PDE4C: variants seen among roughly 807,000 people sequenced by gnomAD.
PDE4C encodes the protein 3',5'-cyclic-AMP phosphodiesterase 4C.
In PDE4C, 50 loss-of-function variants were observed where a neutral mutation model predicts 63.9. The ratio of observed to expected loss-of-function variants is 0.78; its 90% CI spans 0.62 to 0.99. The LOEUF (loss-of-function observed/expected upper bound fraction) is 0.99, where lower values mean the gene tolerates loss of function less well. Ranked by LOEUF, PDE4C falls within the 50% of genes least tolerant of loss-of-function variation. The pLI is 0.00. For synonymous variants in PDE4C, 377 were observed against 385.1 expected (o/e 0.98, Z 0.25); for missense variants, 777 against 899.1 (o/e 0.86, Z 1.74).
intron 1 of PDE4C, among the ~76,000 whole-genome samples, chr19:18,232,528 A>G (rs1249535115): frequency 1.3e-5 from 2 of 151,712 alleles, no homozygotes; most frequent in Non-Finnish European, 1.5e-5. Flanking sequence ...TCGGACCCCC[A>G]GCTATGTTAG....
rs1382412208 is a variant in PDE4C, at chr19:18,220,718, G to A, written c.499+156C>T. ...GCCTCAGCCTCCTCATCTGTAATAT[G>A]AGTGTGGTGGGGTCCATCCCCGAGG... On this transcript the variant is annotated intron_variant, in intron 5 of 14. Coordinates refer to ENST00000262805, the Ensembl canonical transcript of PDE4C. This position sits in a 1 kb window ranked among gnomAD's most constrained non-coding sequence, Gnocchi z 5.1. 2.2e-5 allele frequency: 18 copies of A among 811,716 alleles called. No homozygotes were observed. Among genetic ancestry groups the A allele is most frequent in the Non-Finnish European group, 3.7e-5 (18 of 491,134 alleles). The allele number at this position is 811,716 out of a possible 1,614,324, so 50.3% of individuals were successfully genotyped here. A position where few individuals can be genotyped will look rare whatever the true frequency, so the allele number is the denominator to read the frequency against.
chr19:18,224,117 C>T (rs1968615719), intron 1 of PDE4C: 9 of 807,990 alleles, frequency 1.1e-5, no homozygotes, highest in Non-Finnish European at 1.3e-5. Flanking sequence ...TCCCTCTCCA[C>T]ACTACCTGTC....
At position 18,221,023 on chromosome 19, in the gene PDE4C, C is replaced by A. The variant is rs550430671; in HGVS notation, c.449+82G>T. On this transcript the variant is annotated intron_variant, in intron 4 of 14. Transcript: ENST00000262805. ...TCAAACCCACCTGGAGGCGCCGGAGCCCCAGCCTCAATTTGCAGCCCGCTT... is the reference window on the plus strand; with the variant it reads ...TCAAACCCACCTGGAGGCGCCGGAGACCCAGCCTCAATTTGCAGCCCGCTT... 11 of 1,514,158 alleles carry A rather than the reference C, an allele frequency of 7.3e-6. No individual in the cohort carries two copies. The South Asian group carries it at 1.1e-4, about 15-fold the overall frequency. 93.8% of individuals were successfully genotyped at this position (1,514,158 alleles called of 1,614,324 possible). A position where few individuals can be genotyped will look rare whatever the true frequency, so the allele number is the denominator to read the frequency against.
chr19:18,211,603 G>C (rs1186929792), intron 14 of PDE4C, 156 bp downstream of exon 14: 5 of 780,972 alleles, frequency 6.4e-6, no homozygotes, highest in Non-Finnish European at 8.3e-6. Flanking sequence ...GAAGCCCAGA[G>C]AGAATGGATC....
At position 18,220,927 on chromosome 19, in the gene PDE4C, C is replaced by T; in HGVS notation, c.450-4G>A. 6.2e-7 allele frequency: 1 copy of T among 1,601,794 alleles called. No individual in the cohort carries two copies. Among genetic ancestry groups the T allele is most frequent in the Non-Finnish European group, 8.5e-7 (1 of 1,175,724 alleles). ...AGGGTTTCCGACGGGTCCCTGCCTGCGGTACAGCAGCCTCAGGCGTGGCTG... is the reference window on the plus strand; with the variant it reads ...AGGGTTTCCGACGGGTCCCTGCCTGTGGTACAGCAGCCTCAGGCGTGGCTG... On this transcript the variant is annotated splice_polypyrimidine_tract_variant and splice_region_variant and intron_variant, in intron 4 of 14. Transcript: ENST00000262805. The surrounding 1 kb of genome is among the most constrained non-coding windows in gnomAD (Gnocchi z 5.1).
At chr19:18,238,376 C>T (rs1432732836), upstream of PDE4C, among the ~76,000 whole-genome samples, 1 of 151,666 alleles carries the variant, frequency 6.6e-6, no homozygotes, top group African/African-American at 2.4e-5. Context: ...GCTGGGATTA[C>T]AGGTGCCCAC....
the PDE4C span, among the ~76,000 whole-genome samples, chr19:18,254,624 C>T: frequency 6.6e-6 from 1 of 152,180 alleles, no homozygotes; most frequent in African/African-American, 2.4e-5. Context: ...ATGAGCATTT[C>T]AGCAGCCATG....
chr19:18,248,580 G>C (rs1261578243), upstream of PDE4C, among the ~76,000 whole-genome samples: 5 of 152,006 alleles, frequency 3.3e-5, no homozygotes, highest in African/African-American at 9.7e-5. Context: ...GGTGGTAGGG[G>C]ACCAGCAGCT....
chr19:18,248,923 G>T (rs1426125662), upstream of PDE4C, among the ~76,000 whole-genome samples: 1 of 151,942 alleles, frequency 6.6e-6, no homozygotes, highest in Non-Finnish European at 1.5e-5. Flanking sequence ...TACTTGGGAG[G>T]CTGAAGCAGG....
chr19:18,215,764 C>T (rs924571950), intron 12 of PDE4C, among the ~76,000 whole-genome samples: 1 of 151,770 alleles, frequency 6.6e-6, no homozygotes, highest in African/African-American at 2.4e-5. Flanking sequence ...CCGCCTGCCT[C>T]GGCCTCCCAA....
upstream of PDE4C, among the ~76,000 whole-genome samples, chr19:18,229,021 C>T (rs1482908971): frequency 1.3e-5 from 2 of 151,992 alleles, no homozygotes; most frequent in African/African-American, 4.8e-5. Flanking sequence ...CTGAAACCTC[C>T]GCTTCCTGGG....
At chr19:18,248,328 A>G, upstream of PDE4C, 1 of 408,394 alleles carries the variant, frequency 2.4e-6, no homozygotes, top group Non-Finnish European at 5.0e-6. Context: ...CATAATCCAC[A>G]CACTTTCCTT....
At chr19:18,227,032 G>T (rs1463565793), upstream of PDE4C, among the ~76,000 whole-genome samples, 3 of 151,456 alleles carry the variant, frequency 2.0e-5, no homozygotes, top group Non-Finnish European at 2.9e-5. Flanking sequence ...TAGAATGAGG[G>T]AGTCAGAAAG....
At chr19:18,214,067 G>A (rs913924150) in intron 12 of PDE4C, among the ~76,000 whole-genome samples, 10 of 152,022 alleles carry the variant, frequency 6.6e-5, no homozygotes, top group African/African-American at 2.2e-4. Context: ...GACCATCCTG[G>A]CTAACATGGT....
upstream of PDE4C, among the ~76,000 whole-genome samples, chr19:18,229,913 C>T (rs1235493433): frequency 6.6e-6 from 1 of 152,074 alleles, no homozygotes; most frequent in Non-Finnish European, 1.5e-5. Context: ...TACACTGTTC[C>T]AGTCTCTCCC....
rs984873311 is a variant in PDE4C, at chr19:18,220,129, C to T, written c.706+97G>A. 8 of 961,976 alleles carry T rather than the reference C, an allele frequency of 8.3e-6. No homozygotes were observed. The African/African-American group carries it at 1.1e-4, about 13-fold the overall frequency. The allele number at this position is 961,976 out of a possible 1,614,324, so 59.6% of individuals were successfully genotyped here. On this transcript the variant is annotated intron_variant, in intron 7 of 14. Coordinates refer to ENST00000262805, the Ensembl canonical transcript of PDE4C. This position sits in a 1 kb window ranked among gnomAD's most constrained non-coding sequence, Gnocchi z 5.1. The stretch of plus-strand genomic sequence containing the variant: ...GGGGGCTGAAGGTGTCTGTGTCTGG[C>T]TGTATCTCCCCCAGACTGAGGTCTA...
chr19:18,246,507 C>T (rs1969137218), intron 1 of PDE4C, among the ~76,000 whole-genome samples: 1 of 152,066 alleles, frequency 6.6e-6, no homozygotes, highest in African/African-American at 2.4e-5. Context: ...CCTCTTCCTG[C>T]AGATGGCTGG....
In PDE4C at chr19:18,220,492, A is replaced by T; in HGVS notation, c.523T>A (p.Leu175Met). 2 of 1,614,040 alleles carry T rather than the reference A, an allele frequency of 1.2e-6. No homozygotes were observed. The highest frequency in any genetic ancestry group is 2.7e-5 in the African/African-American group (2 of 75,006). ...CAGTCCAGCTCGTCTAGCGTCTCCA[A>T]TGCCAGCTTCTGCCCCGTGTCCTCT... The change falls in exon 6 of 15, where the codon TTG becomes ATG. Residue 175 changes from leucine to methionine, a missense_variant. Leu to Met is a conservative substitution (Grantham distance 15). This residue lies in a region of PDE4C where 249 missense variants were observed against 247.8 expected (regional missense o/e 1.00). Transcript: ENST00000262805. This position sits in a 1 kb window ranked among gnomAD's most constrained non-coding sequence, Gnocchi z 5.1.
At chr19:18,218,616 C>T (rs1600073252) in intron 9 of PDE4C, 118 bp from the exon 10 acceptor site, 2 of 1,129,714 alleles carry the variant, frequency 1.8e-6, no homozygotes, top group East Asian at 2.4e-5. Flanking sequence ...TCTGAGATGC[C>T]CTCTGTGCTC....
Sources: gnomAD v4.1 joint callset for allele counts (sites outside exome capture counted in the v4.1 genomes callset) on GRCh38, gnomAD v4.1.1 for gene constraint, gnomAD v4.1.1 regional missense constraint, Gnocchi (gnomAD v3.1) non-coding constraint, MANE v1.5 for transcripts, NCBI Gene and HGNC (gene_info 2026-07-23, HGNC 2026-07-21) for gene names.